CLPTM1L: variants seen among roughly 807,000 people sequenced by gnomAD.
CLPTM1L encodes the protein CLPTM1 like.
CLPTM1L carries 38 observed loss-of-function variants against 70.9 expected under a neutral mutation model. The ratio of observed to expected loss-of-function variants is 0.54; its 90% CI spans 0.41 to 0.70. CLPTM1L has a LOEUF of 0.70. Among genes scored for constraint, CLPTM1L ranks in the 30% least tolerant of loss-of-function variants. CLPTM1L has a pLI of 0.00. For synonymous variants in CLPTM1L, 339 were observed against 299.9 expected, an observed-to-expected ratio of 1.13 and a Z score of -1.35; for missense variants, 652 against 705.9, an observed-to-expected ratio of 0.92 and a Z score of 0.87.
chr5:1,323,098 G>A (rs569804005), intron 12 of CLPTM1L, among the ~76,000 whole-genome samples, 187 bp from the exon 13 acceptor site: 1 of 152,176 alleles, frequency 6.6e-6, no homozygotes, highest in African/African-American at 2.4e-5. Context: ...GAGCACCCCC[G>A]GCCGGGCAGC....
At chr5:1,323,660 T>TCC in intron 12 of CLPTM1L, 127 bp downstream of exon 12, 2 of 706,156 alleles carry the variant, frequency 2.8e-6, no homozygotes, top group Non-Finnish European at 5.0e-6. Flanking sequence ...GCAGGACCCC[T>TCC]CCCAGGCGCT....
chr5:1,335,200 C>A, intron 5 of CLPTM1L, 26 bp from the exon 6 acceptor site: 2 of 1,587,198 alleles, frequency 1.3e-6, no homozygotes, highest in South Asian at 1.1e-5. Context: ...ACACTGAGGG[C>A]CCTGCCCTCA....
chr5:1,326,083 C>T (rs916117795), intron 9 of CLPTM1L: 15 of 480,640 alleles, frequency 3.1e-5, no homozygotes, highest in Non-Finnish European at 5.2e-5. Flanking sequence ...CAGTTCTTTA[C>T]GCCACTCTGC....
At chr5:1,319,444 CAA>C (rs991886214) in intron 16 of CLPTM1L, among the ~76,000 whole-genome samples, 7 of 152,260 alleles carry the variant, frequency 4.6e-5, no homozygotes, top group Middle Eastern at 6.8e-3. Context: ...TGCACCCGAA[CAA>C]AGAGTTAAAC....
intron 16 of CLPTM1L, among the ~76,000 whole-genome samples, chr5:1,319,565 C>T (rs451360): frequency 1.3e-5 from 2 of 152,170 alleles, no homozygotes; most frequent in African/African-American, 2.4e-5. Context: ...TCCCCAAGGG[C>T]CGGCACCCCG....
chr5:1,338,744 C>T, intron 4 of CLPTM1L, 116 bp downstream of exon 4: 1 of 1,221,556 alleles, frequency 8.2e-7, no homozygotes, highest in Non-Finnish European at 1.2e-6. Flanking sequence ...GCCCGGGCAG[C>T]AAGTGCCTCC....
At chr5:1,319,391 G>C (rs1233688524) in intron 16 of CLPTM1L, among the ~76,000 whole-genome samples, 1 of 152,108 alleles carries the variant, frequency 6.6e-6, no homozygotes, top group Non-Finnish European at 1.5e-5. Context: ...GGCCTGGAGA[G>C]CTGGGCAAGG....
In CLPTM1L at chr5:1,341,818, C is replaced by T; in HGVS notation, c.306G>A (p.Gly102=). Residue 102 remains glycine (G), a synonymous_variant, in exon 3 of 17, where the codon GGG becomes GGA. Transcript: ENST00000320895. ...VSVPKKTRNN[G]TLYAYIFLHH... Reference sequence around the variant, plus strand: ...GGAGGAAGATGTAGGCATACAGCGTCCCATTGTTTCTCGTTTTCTTTGGTA... The same window carrying T: ...GGAGGAAGATGTAGGCATACAGCGTTCCATTGTTTCTCGTTTTCTTTGGTA... 1 of 1,614,006 alleles carries T rather than the reference C, an allele frequency of 6.2e-7. No individual in the cohort carries two copies. Among genetic ancestry groups the T allele is most frequent in the Non-Finnish European group, 8.5e-7 (1 of 1,179,918 alleles).
chr5:1,327,014 C>T (rs1752631347), intron 9 of CLPTM1L, among the ~76,000 whole-genome samples: 1 of 151,296 alleles, frequency 6.6e-6, no homozygotes, highest in Non-Finnish European at 1.5e-5. Flanking sequence ...AGCTCCTCCT[C>T]TACAGGGACA....
At chr5:1,323,288 G>A (rs1032412388) in intron 12 of CLPTM1L, among the ~76,000 whole-genome samples, 2 of 129,754 alleles carry the variant, frequency 1.5e-5, no homozygotes, top group Admixed American at 1.6e-4. Context: ...AGCAGAGGCT[G>A]GAGGCTCCGG....
At chr5:1,341,208 C>G (rs566540164) in intron 3 of CLPTM1L, among the ~76,000 whole-genome samples, 1 of 152,370 alleles carries the variant, frequency 6.6e-6, no homozygotes, top group Admixed American at 6.5e-5. Context: ...GATGTACAAA[C>G]TACAACTTGT....
chr5:1,336,914 C>G (rs1047962356), intron 5 of CLPTM1L, among the ~76,000 whole-genome samples: 1 of 152,198 alleles, frequency 6.6e-6, no homozygotes, highest in Non-Finnish European at 1.5e-5. Flanking sequence ...ATCAAAGCAG[C>G]CAGGTGCTCG....
At position 1,318,956 on chromosome 5, in the gene CLPTM1L, G is replaced by A. The variant is rs868226835; in HGVS notation, c.1533-503C>T. 5.9e-5 allele frequency among the ~76,000 whole-genome samples: 9 copies of A among 152,330 alleles called. No individual in the cohort carries two copies. The highest frequency in any genetic ancestry group is 3.4e-3 in the Middle Eastern group (1 of 294). ...GCATAAGGGGCAGCTCTACACGGCCGCGAACAGAAGTACAGGGTTTCAGCT... is the reference window on the plus strand; with the variant it reads ...GCATAAGGGGCAGCTCTACACGGCCACGAACAGAAGTACAGGGTTTCAGCT... On this transcript the variant is annotated intron_variant, in intron 16 of 16. Transcript: ENST00000320895. This position sits in a 1 kb window ranked among gnomAD's most constrained non-coding sequence, Gnocchi z 8.9.
Position 1,344,423 on chromosome 5 carries a change from T to C in CLPTM1L, c.191A>G (p.His64Arg), listed in dbSNP as rs751026995. The C allele has an allele frequency of 5.6e-6, 9 of 1,613,580 alleles. No homozygotes were observed. In the South Asian group the frequency reaches 9.9e-5, roughly 18 times the overall value. Residue 64 changes from histidine (H) to arginine (R), a missense_variant, in exon 2 of 17, where the codon CAC (histidine) becomes CGC (arginine). Around this residue, in one of 3 missense-constraint regions of CLPTM1L, gnomAD observed 402 missense variants for 388.2 expected, o/e 1.04. Transcript: ENST00000320895. Reference protein sequence around the residue: ...QLSVYTTTRSHLGAENNIDLV... With the variant: ...QLSVYTTTRSRLGAENNIDLV... ...GTCGATGTTGTTCTCAGCACCCAGG[T>C]GGGACCTCGTCGTGGTGTACACGCT... is the stretch of plus-strand genomic sequence containing the variant.
chr5:1,320,753 G>A, intron 15 of CLPTM1L, 22 bp from the exon 16 acceptor site: 1 of 1,402,666 alleles, frequency 7.1e-7, no homozygotes, highest in Non-Finnish European at 9.8e-7. Context: ...GACGGGAGGA[G>A]GGTGAACCCC....
intron 10 of CLPTM1L, 32 bp downstream of exon 10, chr5:1,325,719 C>A: frequency 6.3e-7 from 1 of 1,590,952 alleles, no homozygotes; most frequent in Non-Finnish European, 8.6e-7. Flanking sequence ...TTCAGAGAGG[C>A]TTGGGGTTCA....
At chr5:1,338,134 C>T in intron 4 of CLPTM1L, 152 bp from the exon 5 acceptor site, 1 of 661,434 alleles carries the variant, frequency 1.5e-6, no homozygotes, top group Non-Finnish European at 2.7e-6. Flanking sequence ...GCACAGCCTC[C>T]CCAAACGGAA....
At chr5:1,334,075 T>C (rs1479750978) in intron 7 of CLPTM1L, among the ~76,000 whole-genome samples, 1 of 152,168 alleles carries the variant, frequency 6.6e-6, no homozygotes, top group East Asian at 1.9e-4. Flanking sequence ...CGGAGCTTTA[T>C]GGTCCCTCCC....
intron 9 of CLPTM1L, 65 bp downstream of exon 9, chr5:1,330,215 A>C: frequency 7.4e-7 from 1 of 1,357,866 alleles, no homozygotes; most frequent in Non-Finnish European, 1.0e-6. Context: ...CGGGGCTGAA[A>C]GCCTTTCCTG....
Sources: allele counts gnomAD v4.1 joint callset (sites outside exome capture counted in the v4.1 genomes callset), GRCh38; gene constraint gnomAD v4.1.1; regional missense constraint gnomAD v4.1.1; non-coding constraint Gnocchi (gnomAD v3.1); transcripts MANE v1.5; gene names NCBI Gene and HGNC (gene_info 2026-07-23, HGNC 2026-07-21).